Variants in TRPV6 observed in about 807,000 individuals in gnomAD.
The protein encoded by TRPV6 is Alu-binding protein with zinc finger domain.
In TRPV6, 39 loss-of-function variants were observed where a neutral mutation model predicts 79.0. That is an observed-to-expected ratio of 0.49 (90% CI 0.38 to 0.64). The LOEUF is 0.64. Ranked by LOEUF, TRPV6 falls within the 30% of genes least tolerant of loss-of-function variation. TRPV6 has a pLI of 0.00. For synonymous variants in TRPV6, 373 were observed against 391.9 expected (o/e 0.95, Z 0.57); for missense variants, 813 against 1,011.1 (o/e 0.80, Z 2.66).
At chr7:142,881,605 A>G (rs1311717321) in intron 1 of TRPV6, 3 of 152,262 alleles carry the variant, frequency 2.0e-5, no homozygotes, top group Non-Finnish European at 4.4e-5. Context: ...AGGTATTTTC[A>G]GGTTCTAGAA....
At chr7:142,876,124 G>T in intron 6 of TRPV6, 1 of 665,290 alleles carries the variant, frequency 1.5e-6, no homozygotes, top group Non-Finnish European at 2.4e-6. Context: ...AAGGAGAGAC[G>T]AGAGGCTGGA....
Position 142,877,931 on chromosome 7 carries a change from C to A in TRPV6, c.344G>T (p.Arg115Ile), listed in dbSNP as rs148968551. 24 of 1,614,092 alleles carry A rather than the reference C, an allele frequency of 1.5e-5. No individual in the cohort carries two copies. The highest frequency in any genetic ancestry group is 1.9e-5 in the Non-Finnish European group (23 of 1,180,036). Residue 115 changes from arginine (R) to isoleucine (I), a missense_variant and splice_region_variant, in exon 2 of 15, where the codon AGA becomes ATA. By Grantham distance (97) the Arg-to-Ile change is moderately conservative. Around this residue, in one of 3 missense-constraint regions of TRPV6, gnomAD observed 555 missense variants for 631.0 expected, o/e 0.88. Coordinates refer to ENST00000359396, the MANE Select transcript of TRPV6 (RefSeq NM_018646.6). ...CATGCTGCATTTGTGCTTCTTACCT[C>A]TCTGGTGCACCTTGCAATCCTCATA... is the stretch of plus-strand genomic sequence containing the variant.
At chr7:142,879,113 C>T (rs1157342921) in intron 1 of TRPV6, 4 of 152,156 alleles carry the variant, frequency 2.6e-5, no homozygotes, top group Non-Finnish European at 5.9e-5. Context: ...CAAACTATGG[C>T]CAACAATGAC....
intron 1 of TRPV6, 52 bp from the exon 2 acceptor site, chr7:142,878,078 G>A (rs1226351198): frequency 1.4e-6 from 2 of 1,480,650 alleles, no homozygotes; most frequent in Admixed American, 1.7e-5. Flanking sequence ...ACCTAGTTGT[G>A]GAGGGAGAGG....
chr7:142,880,257 A>T (rs1479610934), intron 1 of TRPV6: 7 of 152,228 alleles, frequency 4.6e-5, no homozygotes, highest in African/African-American at 1.7e-4. Flanking sequence ...CTCTCTAGAT[A>T]CCCTAGACTG....
At chr7:142,877,088 C>T in intron 4 of TRPV6, 54 bp downstream of exon 4, 1 of 1,571,572 alleles carries the variant, frequency 6.4e-7, no homozygotes, top group African/African-American at 1.3e-5. Flanking sequence ...TGGCCCTGCC[C>T]TGCCTTGCCC....
chr7:142,875,121 T>C lies in TRPV6; in HGVS notation c.1286A>G (p.Glu429Gly). 1 of 1,613,962 alleles carries C rather than the reference T, an allele frequency of 6.2e-7. No individual in the cohort carries two copies. The highest frequency in any genetic ancestry group is 1.7e-5 in the Admixed American group (1 of 60,002). ...GATAGCCCCAATGACAGTCACCAGC[T>C]CCCCGACCAGCCGGATATCGTCCTT... Residue 429 changes from glutamate (E) to glycine (G), a missense_variant, in exon 9 of 15, where the codon GAG (glutamate) becomes GGG (glycine). Coordinates refer to ENST00000359396, the MANE Select transcript of TRPV6 (RefSeq NM_018646.6).
rs1015614511 is a variant in TRPV6 at position 142,873,918 on chromosome 7, G to A, written c.1639+158C>T. 61 of 1,081,636 alleles carry A rather than the reference G, an allele frequency of 5.6e-5. 1 individual carries two copies. The highest frequency in any genetic ancestry group is 9.5e-5 in the African/African-American group (6 of 63,152). 67.0% of individuals were successfully genotyped at this position (1,081,636 alleles called of 1,614,324 possible). On this transcript the variant is annotated intron_variant, in intron 12 of 14. Coordinates refer to ENST00000359396, the MANE Select transcript of TRPV6 (RefSeq NM_018646.6). The surrounding 1 kb of genome is among the most constrained non-coding windows in gnomAD (Gnocchi z 4.8). ...AGAGCCACCTCTCCCTAACACTCCCGATTTTTCTCACCTCTGGAGGACGTC... is the reference window on the plus strand; with the variant it reads ...AGAGCCACCTCTCCCTAACACTCCCAATTTTTCTCACCTCTGGAGGACGTC...
Position 142,875,686 on chromosome 7 carries a change from A to G in TRPV6, c.1030-6T>C. 6.2e-7 allele frequency: 1 copy of G among 1,609,772 alleles called. No individual in the cohort carries two copies. The highest frequency in any genetic ancestry group is 1.7e-5 in the Admixed American group (1 of 59,638). On this transcript the variant is annotated splice_region_variant and splice_polypyrimidine_tract_variant and intron_variant, in intron 7 of 14. Transcript: ENST00000359396. ...TGGTCCAGGATCTGGCGAGCCTGCA[A>G]CAGAAAGAGAACAGGTGGCTCAGAG...
At chr7:142,874,447 T>A (rs768162468) in intron 11 of TRPV6, 44 bp downstream of exon 11, 1 of 1,610,440 alleles carries the variant, frequency 6.2e-7, no homozygotes. Context: ...CTGCTGACTG[T>A]GGCTCTGGGG....
chr7:142,873,833 G>A lies in TRPV6; in HGVS notation c.1640-117C>T. The A allele has an allele frequency of 6.9e-7, 1 of 1,446,890 alleles. No homozygotes were observed. Among genetic ancestry groups the A allele is most frequent in the Non-Finnish European group, 9.5e-7 (1 of 1,054,244 alleles). The allele number at this position is 1,446,890 out of a possible 1,614,324, so 89.6% of individuals were successfully genotyped here. ...TCATCTCAATATCACCAGCTCTGCA[G>A]TGCTCCAAACTTTGGGTTTTTACGG... is the stretch of plus-strand genomic sequence containing the variant. On this transcript the variant is annotated intron_variant, in intron 12 of 14. Coordinates refer to ENST00000359396, the MANE Select transcript of TRPV6 (RefSeq NM_018646.6). This position sits in a 1 kb window ranked among gnomAD's most constrained non-coding sequence, Gnocchi z 4.8.
chr7:142,871,578 G>A lies in TRPV6; in HGVS notation c.*129C>T. The A allele has an allele frequency of 9.0e-7, 1 of 1,117,274 alleles. No homozygotes were observed. Among genetic ancestry groups the A allele is most frequent in the Non-Finnish European group, 1.3e-6 (1 of 786,186 alleles). 69.2% of individuals were successfully genotyped at this position (1,117,274 alleles called of 1,614,324 possible). ...AGTGATTCTCAACGTACATTCCTTG[G>A]CGTTCATGCTACTCCTCTTTCTCCC... On this transcript the variant is annotated 3_prime_UTR_variant, in exon 15 of 15. Coordinates refer to ENST00000359396, the MANE Select transcript of TRPV6 (RefSeq NM_018646.6).
chr7:142,877,691 C>T lies in TRPV6; in HGVS notation c.429G>A (p.Pro143=), dbSNP rs755718615. 1.9e-5 allele frequency: 31 copies of T among 1,614,070 alleles called. 1 individual carries two copies. The highest frequency in any genetic ancestry group is 3.3e-4 in the Middle Eastern group (2 of 6,084). ...ATGTCATGGGCTCAAAGACCAGCTC[C>T]GGGGCAGCCTCCATCAGCACCATGG... The change falls in exon 3 of 15, where the codon CCG becomes CCA. Residue 143 remains proline (P), a synonymous_variant. Coordinates refer to ENST00000359396, the MANE Select transcript of TRPV6 (RefSeq NM_018646.6).
In TRPV6 at chr7:142,873,105, TTA is replaced by T. The variant is rs1391571921; in HGVS notation, c.1908+341_1908+342del. ...ATATCAAATTTTGCAGACTTAAATA[TTA>T]TCAAGAAGACTTGATACTCCAGTTT... On this transcript the variant is annotated intron_variant, in intron 13 of 14. Coordinates refer to ENST00000359396, the MANE Select transcript of TRPV6 (RefSeq NM_018646.6). The surrounding 1 kb of genome is among the most constrained non-coding windows in gnomAD (Gnocchi z 4.8). Among the ~76,000 whole-genome samples, 1 of 152,226 alleles carries T rather than the reference TTA, an allele frequency of 6.6e-6. No homozygotes were observed. Among genetic ancestry groups the T allele is most frequent in the African/African-American group, 2.4e-5 (1 of 41,464 alleles).
At position 142,877,638 on chromosome 7, in the gene TRPV6, C is replaced by G. The variant is rs773258813; in HGVS notation, c.469+13G>C. The G allele has an allele frequency of 3.7e-6, 6 of 1,613,548 alleles. No individual in the cohort carries two copies. Among genetic ancestry groups the G allele is most frequent in the South Asian group, 2.2e-5 (2 of 90,960 alleles). On this transcript the variant is annotated intron_variant, in intron 3 of 14. Coordinates refer to ENST00000359396, the MANE Select transcript of TRPV6 (RefSeq NM_018646.6). ...TCACTCCTGCTCTTCACCCCAGACC[C>G]GTGGGCCCTCACCCTCATAGAGCTC...
rs770367763 is a variant in TRPV6 at position 142,877,134 on chromosome 7, G to A, written c.607+8C>T. The A allele has an allele frequency of 3.1e-6, 5 of 1,613,336 alleles. No homozygotes were observed. Among genetic ancestry groups the A allele is most frequent in the African/African-American group, 1.3e-5 (1 of 74,922 alleles). On this transcript the variant is annotated splice_region_variant and intron_variant, in intron 4 of 14. Transcript: ENST00000359396. ...CTGCCCGTCCTCCAAGCCCAGCCCTGCTCTCACCAAAGTAGATGAGGTTGC... is the reference window on the plus strand; with the variant it reads ...CTGCCCGTCCTCCAAGCCCAGCCCTACTCTCACCAAAGTAGATGAGGTTGC...
chr7:142,875,331 C>T (rs1483824284), intron 8 of TRPV6, 137 bp downstream of exon 8: 33 of 1,226,358 alleles, frequency 2.7e-5, no homozygotes, highest in Non-Finnish European at 3.0e-5. Flanking sequence ...TTTTTGTGGG[C>T]GTGCATTTGG....
At position 142,877,655 on chromosome 7, in the gene TRPV6, A is replaced by G. The variant is rs541651047; in HGVS notation, c.465T>C (p.Tyr155=). 102 of 1,614,136 alleles carry G rather than the reference A, an allele frequency of 6.3e-5. 1 individual carries two copies. In the South Asian group the frequency reaches 1.1e-3, roughly 18 times the overall value. Residue 155 remains tyrosine (Y), a synonymous_variant, in exon 3 of 15, where the codon TAT becomes TAC. Coordinates refer to ENST00000359396, the MANE Select transcript of TRPV6 (RefSeq NM_018646.6). ...CCCAGACCCGTGGGCCCTCACCCTCATAGAGCTCAGATGTCATGGGCTCAA... is the reference window on the plus strand; with the variant it reads ...CCCAGACCCGTGGGCCCTCACCCTCGTAGAGCTCAGATGTCATGGGCTCAA...
intron 1 of TRPV6, chr7:142,882,055 T>G (rs1018368978): frequency 1.3e-5 from 2 of 152,172 alleles, no homozygotes; most frequent in African/African-American, 4.8e-5. Context: ...CATTTCTTGG[T>G]CACGATTCTC....
Sources: allele counts gnomAD v4.1 joint callset (sites outside exome capture counted in the v4.1 genomes callset), GRCh38; gene constraint gnomAD v4.1.1; regional missense constraint gnomAD v4.1.1; non-coding constraint Gnocchi (gnomAD v3.1); transcripts MANE v1.5; gene names NCBI Gene and HGNC (gene_info 2026-07-23, HGNC 2026-07-21).